Variants in SRBD1 observed in about 807,000 individuals in gnomAD.
SRBD1 encodes S1 RNA-binding domain-containing protein 1.
Under a neutral mutation model 115.3 loss-of-function variants are expected in SRBD1, and 88 were observed. That is an observed-to-expected ratio of 0.76 (90% CI 0.64 to 0.91). The LOEUF is 0.91. Among genes scored for constraint, SRBD1 ranks in the 40% least tolerant of loss-of-function variants. The pLI, the probability that SRBD1 is intolerant of heterozygous loss-of-function variation, is 0.00. For missense variants in SRBD1, 1,385 were observed against 1,177.4 expected (o/e 1.18, Z -2.58); for synonymous variants, 509 against 407.7 (o/e 1.25, Z -2.99).
At chr2:45,492,509 G>A (rs1204793776) in intron 14 of SRBD1, among the ~76,000 whole-genome samples, 3 of 152,082 alleles carry the variant, frequency 2.0e-5, no homozygotes, top group African/African-American at 7.2e-5. Flanking sequence ...CGCCATCTCC[G>A]CTCACTGCAA....
Position 45,574,733 on chromosome 2 carries a change from A to C in SRBD1, c.1073-10T>G, listed in dbSNP as rs1286510685. ...TGAAGCGTTGAAAGCCCTTTAGGAG[A>C]AGGGTAAAAAGGAAAACAAAAACAA... is the stretch of plus-strand genomic sequence containing the variant. On this transcript the variant is annotated splice_polypyrimidine_tract_variant and intron_variant, in intron 7 of 20. Coordinates refer to ENST00000263736, the MANE Select transcript of SRBD1 (RefSeq NM_018079.5). The C allele has an allele frequency of 6.3e-7, 1 of 1,589,922 alleles. No homozygotes were observed. The highest frequency in any genetic ancestry group is 1.7e-4 in the Middle Eastern group (1 of 5,914).
At chr2:45,537,032 C>T (rs1671783806) in intron 14 of SRBD1, among the ~76,000 whole-genome samples, 1 of 152,136 alleles carries the variant, frequency 6.6e-6, no homozygotes. Context: ...ATTTCCTATT[C>T]TTTTCTATTT....
chr2:45,410,897 T>A (rs1667583046), intron 19 of SRBD1, among the ~76,000 whole-genome samples: 1 of 152,156 alleles, frequency 6.6e-6, no homozygotes, highest in South Asian at 2.1e-4. Flanking sequence ...CCCATATACC[T>A]TCCCCCTATA....
At chr2:45,554,763 G>C (rs1193845294) in intron 10 of SRBD1, among the ~76,000 whole-genome samples, 1 of 151,988 alleles carries the variant, frequency 6.6e-6, no homozygotes. Flanking sequence ...TTAATCATGA[G>C]GTCAGCTCAC....
chr2:45,414,775 TACACACACAC>T (rs148197281), intron 18 of SRBD1, among the ~76,000 whole-genome samples: 4 of 63,200 alleles, frequency 6.3e-5, no homozygotes, highest in African/African-American at 2.7e-4. Context: ...ATATAGTATG[TACACACACAC>T]ATAGTGTGTA....
chr2:45,441,346 C>T (rs1471212610), intron 16 of SRBD1, among the ~76,000 whole-genome samples: 1 of 152,240 alleles, frequency 6.6e-6, no homozygotes, highest in Non-Finnish European at 1.5e-5. Flanking sequence ...GCCTCCCATA[C>T]TGTTCCTATC....
intron 4 of SRBD1, among the ~76,000 whole-genome samples, chr2:45,598,730 G>C (rs1490918954): frequency 6.6e-6 from 1 of 152,168 alleles, no homozygotes; most frequent in Non-Finnish European, 1.5e-5. Flanking sequence ...GAGGCCCTCA[G>C]CTCTACAGCC....
intron 2 of SRBD1, among the ~76,000 whole-genome samples, chr2:45,604,261 C>T (rs1192137069): frequency 6.6e-6 from 1 of 151,708 alleles, no homozygotes; most frequent in African/African-American, 2.4e-5. Flanking sequence ...CAGTGGCCTC[C>T]CAACCCACTT....
chr2:45,545,283 T>TAAAAAA lies in SRBD1; in HGVS notation c.1874+1443_1874+1448dup, dbSNP rs56909656. Among the ~76,000 whole-genome samples, 64 of 68,560 alleles carry TAAAAAA rather than the reference T, an allele frequency of 9.3e-4. 3 individuals carry two copies. Among genetic ancestry groups the TAAAAAA allele is most frequent in the African/African-American group, 2.9e-3 (43 of 14,778 alleles). 45.0% of individuals were successfully genotyped at this position (68,560 alleles called of 152,430 possible). A position where few individuals can be genotyped will look rare whatever the true frequency, so the allele number is the denominator to read the frequency against. On this transcript the variant is annotated intron_variant, in intron 14 of 20. Coordinates refer to ENST00000263736, the MANE Select transcript of SRBD1 (RefSeq NM_018079.5). Reference sequence around the variant, plus strand: ...TGACAGAGCGAGACTCTGTCTCAATTAAAAAAAAAAAAAAAAAAAAAAAAA... The same window carrying TAAAAAA: ...TGACAGAGCGAGACTCTGTCTCAATTAAAAAAAAAAAAAAAAAAAAAAAAAAAAAAA...
intron 12 of SRBD1, 113 bp from the exon 13 acceptor site, chr2:45,547,725 T>C (rs1023104944): frequency 5.0e-6 from 4 of 793,618 alleles, no homozygotes; most frequent in Non-Finnish European, 8.0e-6. Flanking sequence ...TTTTTTATAA[T>C]GAAGTCTGAA....
chr2:45,409,906 T>G lies in SRBD1; in HGVS notation c.2513+3208A>C, dbSNP rs189997028. Among the ~76,000 whole-genome samples the G allele has an allele frequency of 2.4e-4, 36 of 152,212 alleles. No homozygotes were observed. The East Asian group carries it at 6.0e-3, about 25-fold the overall frequency. ...TAAGTTCATGGACTAAAAGACTTGA[T>G]AAATATTATTAAGACAGCAATATGA... is the stretch of plus-strand genomic sequence containing the variant. On this transcript the variant is annotated intron_variant, in intron 19 of 20. Transcript: ENST00000263736.
At chr2:45,407,815 C>T (rs903800199) in intron 19 of SRBD1, among the ~76,000 whole-genome samples, 2 of 151,880 alleles carry the variant, frequency 1.3e-5, no homozygotes, top group African/African-American at 2.4e-5. Context: ...AAAAAAATGC[C>T]AGTCCATATA....
At chr2:45,539,897 G>T (rs78533579) in intron 14 of SRBD1, among the ~76,000 whole-genome samples, 2,039 of 152,098 alleles carry the variant, frequency 0.013, 46 homozygotes, top group African/African-American at 0.047. Context: ...AAATTACAAG[G>T]ATTCTAGAAT....
intron 5 of SRBD1, among the ~76,000 whole-genome samples, chr2:45,585,326 C>T (rs577141487): frequency 5.3e-5 from 8 of 152,222 alleles, no homozygotes; most frequent in Non-Finnish European, 2.9e-5. Context: ...CCTAATTTTG[C>T]CATTATGCCC....
At chr2:45,605,714 G>C (rs760952009) in intron 1 of SRBD1, among the ~76,000 whole-genome samples, 2 of 152,026 alleles carry the variant, frequency 1.3e-5, no homozygotes, top group African/African-American at 2.4e-5. Flanking sequence ...GACCAGCCTG[G>C]CCAACATGGT....
intron 15 of SRBD1, among the ~76,000 whole-genome samples, chr2:45,484,535 A>G (rs367655661): frequency 3.4e-4 from 52 of 152,300 alleles, no homozygotes; most frequent in African/African-American, 1.2e-3. Context: ...GTAAAAAGAT[A>G]GTTCCTCAAT....
intron 16 of SRBD1, among the ~76,000 whole-genome samples, chr2:45,432,747 C>G (rs1668377889): frequency 6.6e-6 from 1 of 152,166 alleles, no homozygotes; most frequent in Admixed American, 6.5e-5. Flanking sequence ...TAAACAGTCT[C>G]TCTTTCGAAT....
intron 14 of SRBD1, among the ~76,000 whole-genome samples, chr2:45,499,563 T>C (rs936747290): frequency 6.6e-6 from 1 of 152,174 alleles, no homozygotes; most frequent in Middle Eastern, 3.2e-3. Flanking sequence ...CCCAAAAATC[T>C]TTGCCCAGAC....
At chr2:45,446,680 T>C (rs1282209271) in intron 16 of SRBD1, among the ~76,000 whole-genome samples, 3 of 150,520 alleles carry the variant, frequency 2.0e-5, no homozygotes, top group Admixed American at 1.3e-4. Flanking sequence ...GACATGAGCA[T>C]CTAGGCATAT....
Sources: allele counts gnomAD v4.1 joint callset (sites outside exome capture counted in the v4.1 genomes callset), GRCh38; gene constraint gnomAD v4.1.1; transcripts MANE v1.5; gene names NCBI Gene and HGNC (gene_info 2026-07-23, HGNC 2026-07-21).